The following RBM47 variants were observed in gnomAD, a reference collection of about 807,000 sequenced individuals.
RBM47 encodes RNA-binding protein 47.
In RBM47, 21 loss-of-function variants were observed where a neutral mutation model predicts 47.1. The ratio of observed to expected loss-of-function variants is 0.45; its 90% CI spans 0.32 to 0.64. The LOEUF (loss-of-function observed/expected upper bound fraction) is 0.64. RBM47 is among the 30% of genes least tolerant of loss of function. The pLI, the probability that RBM47 is intolerant of heterozygous loss-of-function variation, is 0.05. For missense variants in RBM47, 708 were observed against 870.9 expected, an observed-to-expected ratio of 0.81 and a Z score of 2.35; for synonymous variants, 375 against 361.7, an observed-to-expected ratio of 1.04 and a Z score of -0.42.
At chr4:40,471,762 C>G (rs1266643096) in intron 2 of RBM47, among the ~76,000 whole-genome samples, 1 of 151,930 alleles carries the variant, frequency 6.6e-6, no homozygotes, top group Admixed American at 6.6e-5. Context: ...TCCCATTGCC[C>G]TTAGACTAAG....
chr4:40,496,363 CAA>C (rs1491034342), intron 2 of RBM47, among the ~76,000 whole-genome samples: 1 of 93,828 alleles, frequency 1.1e-5, no homozygotes, highest in East Asian at 3.3e-4. Flanking sequence ...CACACACACA[CAA>C]AGAGAGAAAA....
chr4:40,563,776 A>C (rs1475699976), intron 1 of RBM47, among the ~76,000 whole-genome samples: 1 of 152,244 alleles, frequency 6.6e-6, no homozygotes, highest in Non-Finnish European at 1.5e-5. Flanking sequence ...ACAAAAGAGC[A>C]CAAAACTGCA....
chr4:40,558,311 T>C (rs1463846112), intron 1 of RBM47, among the ~76,000 whole-genome samples: 1 of 152,106 alleles, frequency 6.6e-6, no homozygotes, highest in Non-Finnish European at 1.5e-5. Flanking sequence ...ACTTAAACTA[T>C]ATCGAATTCT....
chr4:40,615,546 CA>C (rs200465672), intron 1 of RBM47, among the ~76,000 whole-genome samples: 2,290 of 152,118 alleles, frequency 0.015, 30 homozygotes, highest in Non-Finnish European at 0.025. Context: ...TTTTGGAGGC[CA>C]AAGCAGGTGG....
intron 1 of RBM47, among the ~76,000 whole-genome samples, chr4:40,624,129 G>T (rs1737517361): frequency 6.6e-6 from 1 of 152,212 alleles, no homozygotes; most frequent in Non-Finnish European, 1.5e-5. Context: ...TGGGATTACG[G>T]TGTGAGTGAC....
intron 1 of RBM47, among the ~76,000 whole-genome samples, chr4:40,599,150 T>C (rs889717356): frequency 1.3e-5 from 2 of 149,854 alleles, no homozygotes; most frequent in Non-Finnish European, 3.0e-5. Flanking sequence ...CCCAGCTACA[T>C]AGGAGGTTGA....
intron 1 of RBM47, among the ~76,000 whole-genome samples, chr4:40,626,457 T>G (rs1294903613): frequency 6.6e-6 from 1 of 152,248 alleles, no homozygotes; most frequent in Non-Finnish European, 1.5e-5. Context: ...GTTGCTAGTT[T>G]ACCTGCAATC....
intron 1 of RBM47, among the ~76,000 whole-genome samples, chr4:40,576,240 GTTT>G (rs143760914): frequency 0.016 from 1,845 of 114,870 alleles, 56 homozygotes; most frequent in African/African-American, 0.062. Flanking sequence ...TCTCTTTTCT[GTTT>G]TTTTTTTTTT....
chr4:40,577,362 G>A (rs1320617290), intron 1 of RBM47, among the ~76,000 whole-genome samples: 1 of 152,096 alleles, frequency 6.6e-6, no homozygotes, highest in Non-Finnish European at 1.5e-5. Context: ...GCCTGCTCAT[G>A]TTGTCAAGAG....
chr4:40,488,122 G>A (rs1721368895), intron 2 of RBM47, among the ~76,000 whole-genome samples: 1 of 152,094 alleles, frequency 6.6e-6, no homozygotes, highest in Admixed American at 6.6e-5. Context: ...AGGAGTTCAA[G>A]ACCAGCCTGG....
At chr4:40,517,340 T>C (rs1725701460) in intron 2 of RBM47, among the ~76,000 whole-genome samples, 1 of 152,112 alleles carries the variant, frequency 6.6e-6, no homozygotes, top group African/African-American at 2.4e-5. Flanking sequence ...TTTCACCATG[T>C]TGGTCAGGCT....
At chr4:40,443,802 G>A (rs1714075917) in intron 3 of RBM47, among the ~76,000 whole-genome samples, 1 of 138,418 alleles carries the variant, frequency 7.2e-6, no homozygotes, top group African/African-American at 2.7e-5. Context: ...TGGCCTACAA[G>A]TTTTATTCTC....
Position 40,426,032 on chromosome 4 carries a change from T to C in RBM47, c.1654A>G (p.Ile552Val), listed in dbSNP as rs766804204. The change falls in exon 7 of 7, where the codon ATC becomes GTC. Residue 552 changes from isoleucine (I) to valine (V), a missense_variant. Transcript: ENST00000295971. ...VPFAAPATAT[I>V]ATLQKNAAAA... is the part of the protein sequence containing the mutation. The stretch of plus-strand genomic sequence containing the variant: ...GCCGCGTTCTTCTGTAGTGTGGCGA[T>C]CGTGGCTGTAGCTGGAGCAGCAAAT... 6.2e-7 allele frequency: 1 copy of C among 1,614,232 alleles called. No individual in the cohort carries two copies. Among genetic ancestry groups the C allele is most frequent in the Non-Finnish European group, 8.5e-7 (1 of 1,180,054 alleles).
chr4:40,594,385 G>A (rs1307231532), intron 1 of RBM47, among the ~76,000 whole-genome samples: 2 of 152,178 alleles, frequency 1.3e-5, no homozygotes, highest in African/African-American at 2.4e-5. Flanking sequence ...ATTGGACCAA[G>A]ATAGGAAAAG....
intron 1 of RBM47, among the ~76,000 whole-genome samples, chr4:40,579,112 C>T: frequency 7.8e-6 from 1 of 127,446 alleles, no homozygotes; most frequent in Non-Finnish European, 1.7e-5. Context: ...GAGCGAGACT[C>T]TATCTTAAAT....
chr4:40,497,279 T>C (rs2154248925), intron 2 of RBM47, among the ~76,000 whole-genome samples: 1 of 152,280 alleles, frequency 6.6e-6, no homozygotes, highest in African/African-American at 2.4e-5. Context: ...TTTCAGTTCA[T>C]ATCCTTCTAA....
chr4:40,477,633 C>A (rs949845193), intron 2 of RBM47, among the ~76,000 whole-genome samples: 1 of 151,914 alleles, frequency 6.6e-6, no homozygotes, highest in East Asian at 1.9e-4. Context: ...TGCTCCTATA[C>A]CAAATGCTAC....
chr4:40,438,065 C>T lies in RBM47; in HGVS notation c.829G>A (p.Val277Ile), dbSNP rs747390984. ...AAGGCGTAGTCGCGGATCTTCTTGA[C>T]GCGCTCCACGCAGCCGGGGTTGAAC... ...GQFNPGCVER[V>I]KKIRDYAFVH... Residue 277 changes from valine to isoleucine, a missense_variant, in exon 4 of 7, where the codon GTC becomes ATC. Transcript: ENST00000295971. 4 of 1,613,722 alleles carry T rather than the reference C, an allele frequency of 2.5e-6. No individual in the cohort carries two copies. The highest frequency in any genetic ancestry group is 1.1e-5 in the South Asian group (1 of 91,086).
chr4:40,472,548 G>C (rs1719061501), intron 2 of RBM47, among the ~76,000 whole-genome samples: 1 of 135,178 alleles, frequency 7.4e-6, no homozygotes, highest in Non-Finnish European at 1.5e-5. Context: ...GGCAACAAGA[G>C]TGATGCTCTG....
Sources: allele counts gnomAD v4.1 joint callset (sites outside exome capture counted in the v4.1 genomes callset), GRCh38; gene constraint gnomAD v4.1.1; transcripts MANE v1.5; gene names NCBI Gene and HGNC (gene_info 2026-07-23, HGNC 2026-07-21).